Variants in ARNT observed in about 807,000 individuals in gnomAD.
The protein encoded by ARNT is class E basic helix-loop-helix protein 2.
A neutral mutation model predicts 105.0 loss-of-function variants in ARNT; 30 were observed. The observed-to-expected ratio is 0.29, with a 90% CI of 0.21 to 0.39. The LOEUF (loss-of-function observed/expected upper bound fraction) is 0.39, where lower values mean the gene tolerates loss of function less well. ARNT is among the 10% of genes least tolerant of loss of function. The probability of loss-of-function intolerance (pLI) is 1.00; values close to 1 mark genes in which losing one functional copy is unlikely to be tolerated. For missense variants in ARNT, 748 were observed against 978.7 expected (o/e 0.76, Z 3.15); for synonymous variants, 304 against 344.0 (o/e 0.88, Z 1.29).
chr1:150,853,245 C>T (rs1444348702), intron 2 of ARNT: 3 of 365,838 alleles, frequency 8.2e-6, no homozygotes, highest in East Asian at 9.7e-5. Flanking sequence ...CGCACCATTG[C>T]ACTCAAGCCT....
In ARNT at chr1:150,811,815, G is replaced by A. The variant is rs998804324; in HGVS notation, c.*206C>T. 2.6e-6 allele frequency: 1 copy of A among 379,018 alleles called. No individual in the cohort carries two copies. Among genetic ancestry groups the A allele is most frequent in the Non-Finnish European group, 4.7e-6 (1 of 212,930 alleles). 23.5% of individuals were successfully genotyped at this position (379,018 alleles called of 1,614,324 possible). On this transcript the variant is annotated 3_prime_UTR_variant, in exon 22 of 22. Transcript: ENST00000358595. Reference sequence around the variant, plus strand: ...CTCAAATTTTCAGACAGTCCTAAAAGCCTTGGAGATTCATTCCATTTCTTC... The same window carrying A: ...CTCAAATTTTCAGACAGTCCTAAAAACCTTGGAGATTCATTCCATTTCTTC...
chr1:150,856,443 A>G (rs747529346), intron 2 of ARNT, among the ~76,000 whole-genome samples: 23 of 151,824 alleles, frequency 1.5e-4, no homozygotes, highest in Non-Finnish European at 2.5e-4. Flanking sequence ...CCATCTCAAA[A>G]AAATAAAAAA....
intron 1 of ARNT, among the ~76,000 whole-genome samples, chr1:150,867,894 G>A (rs1571521289): frequency 6.6e-6 from 1 of 151,892 alleles, no homozygotes; most frequent in Admixed American, 6.6e-5. Flanking sequence ...TTCGCCTTCC[G>A]CCATGATTCC....
intron 8 of ARNT, among the ~76,000 whole-genome samples, chr1:150,832,642 T>C (rs368653632): frequency 4.6e-5 from 7 of 152,348 alleles, no homozygotes; most frequent in African/African-American, 1.4e-4. Flanking sequence ...GCAAGCTTTT[T>C]CTGTAAAGGA....
At chr1:150,861,182 CA>C in intron 1 of ARNT, 1 of 260,760 alleles carries the variant, frequency 3.8e-6, no homozygotes, top group South Asian at 3.2e-5. Context: ...GGCGTAACAG[CA>C]ATAGAAAACA....
At chr1:150,825,830 G>C (rs1289885938) in intron 13 of ARNT, among the ~76,000 whole-genome samples, 1 of 146,344 alleles carries the variant, frequency 6.8e-6, no homozygotes, top group Non-Finnish European at 1.5e-5. Flanking sequence ...CCTGGCGACA[G>C]AGCTAGACTC....
chr1:150,848,105 A>G (rs1376817437), intron 3 of ARNT, among the ~76,000 whole-genome samples: 1 of 152,234 alleles, frequency 6.6e-6, no homozygotes, highest in African/African-American at 2.4e-5. Flanking sequence ...ACATTTATAT[A>G]CAATTCTATA....
chr1:150,836,046 AC>A lies in ARNT; in HGVS notation c.700+233del, dbSNP rs1660268052. ...GTTTGGCTTTTACTGTTCTATTTAT[AC>A]CAATATTAAGATAAATGTAAAATAT... On this transcript the variant is annotated intron_variant, in intron 7 of 21. Transcript: ENST00000358595. 2.0e-5 allele frequency among the ~76,000 whole-genome samples: 3 copies of A among 152,308 alleles called. No homozygotes were observed. The South Asian group carries it at 6.2e-4, about 32-fold the overall frequency.
At chr1:150,847,079 GT>G (rs1389641545) in intron 3 of ARNT, among the ~76,000 whole-genome samples, 1 of 152,112 alleles carries the variant, frequency 6.6e-6, no homozygotes, top group Non-Finnish European at 1.5e-5. Context: ...ATAAACATGA[GT>G]GTGCAAATAT....
chr1:150,841,890 A>T (rs1038425779), intron 5 of ARNT, among the ~76,000 whole-genome samples: 7 of 152,216 alleles, frequency 4.6e-5, no homozygotes, highest in African/African-American at 1.7e-4. Flanking sequence ...AGGAAACTAA[A>T]ACTTTTCTAG....
chr1:150,854,857 CAAA>C (rs769273005), intron 2 of ARNT, among the ~76,000 whole-genome samples: 1 of 31,620 alleles, frequency 3.2e-5, no homozygotes, highest in Non-Finnish European at 6.6e-5. Flanking sequence ...AACTACATCT[CAAA>C]AAAAAAAAAA....
chr1:150,871,701 G>C (rs1258965817), intron 1 of ARNT, among the ~76,000 whole-genome samples: 6 of 147,778 alleles, frequency 4.1e-5, no homozygotes, highest in Non-Finnish European at 6.0e-5. Flanking sequence ...CCTGAGGTGA[G>C]GAGTTCAAGA....
intron 14 of ARNT, among the ~76,000 whole-genome samples, chr1:150,822,262 A>G (rs772229076): frequency 2.0e-5 from 3 of 152,130 alleles, no homozygotes; most frequent in East Asian, 1.9e-4. Context: ...CTTCAGTGTG[A>G]TAAGTGTCTT....
At chr1:150,823,875 G>A (rs1360856202) in intron 13 of ARNT, among the ~76,000 whole-genome samples, 14 of 140,808 alleles carry the variant, frequency 9.9e-5, no homozygotes, top group Admixed American at 3.7e-4. Context: ...ACGGAGTCTC[G>A]CTCTGTCACC....
At chr1:150,839,329 T>A in intron 6 of ARNT, 112 bp downstream of exon 6, 1 of 1,043,718 alleles carries the variant, frequency 9.6e-7, no homozygotes, top group Non-Finnish European at 1.4e-6. Flanking sequence ...TGAAATTCGT[T>A]TTCCCATTGT....
At chr1:150,823,095 G>A (rs1657448121) in intron 14 of ARNT, 99 bp downstream of exon 14, 1 of 1,242,346 alleles carries the variant, frequency 8.0e-7, no homozygotes, top group East Asian at 2.7e-5. Flanking sequence ...TTTTTGTGTT[G>A]TTGCTTGATT....
chr1:150,836,509 A>G lies in ARNT; in HGVS notation c.487-16T>C. 6.2e-7 allele frequency: 1 copy of G among 1,610,390 alleles called. No homozygotes were observed. The highest frequency in any genetic ancestry group is 8.5e-7 in the Non-Finnish European group (1 of 1,178,108). ...GTTTCAGTTCCTGCGCAAGAAAAAG[A>G]AATAGAAGTTAATATTTTACTCTGA... On this transcript the variant is annotated splice_polypyrimidine_tract_variant and intron_variant, in intron 6 of 21. Transcript: ENST00000358595.
Position 150,811,269 on chromosome 1 carries a change from A to G in ARNT, c.*752T>C. 4.3e-6 allele frequency: 1 copy of G among 233,798 alleles called. No individual in the cohort carries two copies. The highest frequency in any genetic ancestry group is 8.5e-6 in the Non-Finnish European group (1 of 118,012). The allele number at this position is 233,798 out of a possible 1,614,324, so 14.5% of individuals were successfully genotyped here. A position where few individuals can be genotyped will look rare whatever the true frequency, so the allele number is the denominator to read the frequency against. On this transcript the variant is annotated 3_prime_UTR_variant, in exon 22 of 22. Coordinates refer to ENST00000358595, the MANE Select transcript of ARNT (RefSeq NM_001668.4). ...CTTTACAGTTGTATATTGGCTGGGC[A>G]TGGATGCAAGCGCAGCAAAGACGTT...
intron 2 of ARNT, among the ~76,000 whole-genome samples, chr1:150,854,647 A>T (rs1403692448): frequency 6.6e-6 from 1 of 152,014 alleles, no homozygotes; most frequent in Non-Finnish European, 1.5e-5. Flanking sequence ...ACTTGAGGTC[A>T]GGAGTTCAAG....
Sources: gnomAD v4.1 joint callset for allele counts (sites outside exome capture counted in the v4.1 genomes callset) on GRCh38, gnomAD v4.1.1 for gene constraint, MANE v1.5 for transcripts, NCBI Gene and HGNC (gene_info 2026-07-23, HGNC 2026-07-21) for gene names.